PRKAR2B: variants seen among roughly 807,000 people sequenced by gnomAD.
PRKAR2B encodes the protein cAMP-dependent protein kinase type II-beta regulatory subunit.
In PRKAR2B, 14 loss-of-function variants were observed where a neutral mutation model predicts 49.9. The observed-to-expected ratio is 0.28, with a 90% CI of 0.19 to 0.44. The LOEUF is 0.44. Among genes scored for constraint, PRKAR2B ranks in the 20% least tolerant of loss-of-function variants. The pLI is 1.00. For synonymous variants in PRKAR2B, 196 were observed against 197.7 expected (o/e 0.99, Z 0.07); for missense variants, 393 against 537.9 (o/e 0.73, Z 2.67).
chr7:107,123,710 C>A (rs141218127), intron 3 of PRKAR2B, among the ~76,000 whole-genome samples: 1 of 152,302 alleles, frequency 6.6e-6, no homozygotes, highest in Non-Finnish European at 1.5e-5. Context: ...TACTTGGGAA[C>A]CACTTCTGTA....
At chr7:107,080,886 C>T (rs1199607000) in intron 2 of PRKAR2B, among the ~76,000 whole-genome samples, 2 of 152,124 alleles carry the variant, frequency 1.3e-5, no homozygotes, top group Admixed American at 1.3e-4. Context: ...AGTTTAGGAT[C>T]TTAGGTACAT....
intron 1 of PRKAR2B, among the ~76,000 whole-genome samples, chr7:107,055,988 T>C (rs1171334987): frequency 6.6e-6 from 1 of 152,340 alleles, no homozygotes; most frequent in East Asian, 1.9e-4. Flanking sequence ...GAATTAATTT[T>C]TGTATAAGGT....
chr7:107,111,772 A>G (rs1299004188), intron 2 of PRKAR2B, among the ~76,000 whole-genome samples: 4 of 152,026 alleles, frequency 2.6e-5, no homozygotes, highest in Non-Finnish European at 2.9e-5. Flanking sequence ...GGCATGAAGA[A>G]TTTCAAGACT....
chr7:107,118,670 A>G (rs977073679), intron 2 of PRKAR2B, among the ~76,000 whole-genome samples: 4 of 152,192 alleles, frequency 2.6e-5, no homozygotes, highest in Admixed American at 1.3e-4. Flanking sequence ...TGAGCACAGA[A>G]GTGGAGTTTC....
At chr7:107,142,960 A>C (rs1286746616) in intron 5 of PRKAR2B, among the ~76,000 whole-genome samples, 1 of 152,206 alleles carries the variant, frequency 6.6e-6, no homozygotes, top group African/African-American at 2.4e-5. Context: ...ACAAGGTATC[A>C]CCATGTTGGT....
chr7:107,074,383 T>G (rs1794350907), intron 2 of PRKAR2B, among the ~76,000 whole-genome samples: 1 of 152,062 alleles, frequency 6.6e-6, no homozygotes, highest in Non-Finnish European at 1.5e-5. Context: ...GGATTATAGG[T>G]GTGAGCCACT....
intron 2 of PRKAR2B, among the ~76,000 whole-genome samples, chr7:107,118,533 A>G (rs535459475): frequency 5.8e-4 from 88 of 152,240 alleles, no homozygotes; most frequent in African/African-American, 2.1e-3. Flanking sequence ...ACAAGAGCAC[A>G]CAGTCGGTTC....
chr7:107,081,716 A>G (rs1216416327), intron 2 of PRKAR2B: 1 of 152,216 alleles, frequency 6.6e-6, no homozygotes, highest in Non-Finnish European at 1.5e-5. Context: ...AAACGGTACC[A>G]TAAAATTGAC....
chr7:107,098,378 G>A (rs2707377), intron 2 of PRKAR2B, among the ~76,000 whole-genome samples: 1 of 152,182 alleles, frequency 6.6e-6, no homozygotes, highest in African/African-American at 2.4e-5. Context: ...TTAAGGTCTT[G>A]TCTGTACTGT....
chr7:107,102,956 C>A (rs2116815565), intron 2 of PRKAR2B, among the ~76,000 whole-genome samples: 1 of 152,234 alleles, frequency 6.6e-6, no homozygotes, highest in East Asian at 1.9e-4. Context: ...CAGGTGTGAG[C>A]CACCATGCTC....
At chr7:107,075,778 TA>T (rs1352196248) in intron 2 of PRKAR2B, among the ~76,000 whole-genome samples, 1 of 152,178 alleles carries the variant, frequency 6.6e-6, no homozygotes, top group Admixed American at 6.5e-5. Context: ...AACAAAGCCA[TA>T]AACCCCTCAG....
At chr7:107,150,500 G>T (rs1457331226) in intron 6 of PRKAR2B, among the ~76,000 whole-genome samples, 1 of 151,874 alleles carries the variant, frequency 6.6e-6, no homozygotes, top group African/African-American at 2.4e-5. Flanking sequence ...TAATTTCTTT[G>T]GGCATCCCTC....
At chr7:107,123,475 T>C (rs1307949505) in intron 3 of PRKAR2B, among the ~76,000 whole-genome samples, 1 of 152,198 alleles carries the variant, frequency 6.6e-6, no homozygotes, top group African/African-American at 2.4e-5. Flanking sequence ...CATATTGAAC[T>C]GCAGAAAGCG....
intron 2 of PRKAR2B, among the ~76,000 whole-genome samples, chr7:107,087,215 GT>G (rs58412260): frequency 0.092 from 13,708 of 148,748 alleles, 679 homozygotes; most frequent in African/African-American, 0.14. Context: ...CACATTTAAT[GT>G]TTTTTTTTTC....
At chr7:107,155,958 A>T (rs1370834657) in intron 8 of PRKAR2B, among the ~76,000 whole-genome samples, 3 of 152,210 alleles carry the variant, frequency 2.0e-5, no homozygotes, top group African/African-American at 7.2e-5. Flanking sequence ...CCTTTGCAGG[A>T]CATGGATGAA....
At chr7:107,049,710 TGTGGCA>T (rs1272246908) in intron 1 of PRKAR2B, among the ~76,000 whole-genome samples, 29 of 152,294 alleles carry the variant, frequency 1.9e-4, no homozygotes, top group African/African-American at 6.7e-4. Flanking sequence ...AATGAGCTTA[TGTGGCA>T]GTTTTACTTA....
intron 3 of PRKAR2B, among the ~76,000 whole-genome samples, chr7:107,125,670 G>A (rs893372656): frequency 6.6e-5 from 10 of 152,148 alleles, no homozygotes; most frequent in African/African-American, 2.2e-4. Context: ...TTACCGACGA[G>A]GTTAATTACA....
chr7:107,146,264 G>T (rs1462627602), intron 5 of PRKAR2B, 44 bp from the exon 6 acceptor site: 1 of 1,560,950 alleles, frequency 6.4e-7, no homozygotes, highest in African/African-American at 1.4e-5. Context: ...TTATTTTAAT[G>T]ATATTTTATT....
At chr7:107,062,564 T>C (rs1765889937) in intron 1 of PRKAR2B, among the ~76,000 whole-genome samples, 2 of 152,308 alleles carry the variant, frequency 1.3e-5, no homozygotes, top group Non-Finnish European at 1.5e-5. Context: ...ATAGTGGGAA[T>C]TGACAGTAAG....
Sources: gnomAD v4.1 joint callset for allele counts (sites outside exome capture counted in the v4.1 genomes callset) on GRCh38, gnomAD v4.1.1 for gene constraint, MANE v1.5 for transcripts, NCBI Gene and HGNC (gene_info 2026-07-23, HGNC 2026-07-21) for gene names.